STXBP4: variants seen among roughly 807,000 people sequenced by gnomAD.
STXBP4 encodes the protein syntaxin binding protein 4, also known as syntaxin-binding protein 4.
STXBP4 carries 55 observed loss-of-function variants against 76.1 expected under a neutral mutation model. The ratio of observed to expected loss-of-function variants is 0.72; its 90% CI spans 0.58 to 0.91. STXBP4 has a LOEUF of 0.91. Among genes scored for constraint, STXBP4 ranks in the 40% least tolerant of loss-of-function variants. The probability of loss-of-function intolerance (pLI) is 0.00; values close to 1 mark genes in which losing one functional copy is unlikely to be tolerated. For missense variants in STXBP4, 618 were observed against 636.9 expected (o/e 0.97, Z 0.32); for synonymous variants, 201 against 220.2 (o/e 0.91, Z 0.77).
rs2080363575 is a variant in STXBP4, at chr17:55,164,434, A to ATTTC, written c.*4527_*4530dup. The ATTTC allele has an allele frequency of 1.3e-5, 1 of 76,622 alleles. No homozygotes were observed. The highest frequency in any genetic ancestry group is 5.2e-5 in the African/African-American group (1 of 19,344). 4.7% of individuals were successfully genotyped at this position (76,622 alleles called of 1,614,324 possible). On this transcript the variant is annotated 3_prime_UTR_variant, in exon 18 of 18. Coordinates refer to ENST00000376352, the MANE Select transcript of STXBP4 (RefSeq NM_178509.6). The stretch of plus-strand genomic sequence containing the variant: ...TTCTCTATATCACTCTACCCTGTTT[A>ATTTC]TTTCTTTTTTTTTTTTTTTTTTTTT...
chr17:54,978,897 G>GT (rs2077509565), intron 1 of STXBP4, among the ~76,000 whole-genome samples: 1 of 152,032 alleles, frequency 6.6e-6, no homozygotes, highest in Non-Finnish European at 1.5e-5. Flanking sequence ...CCTTGCTGTT[G>GT]TTTTTTACCT....
At chr17:55,043,124 A>T in intron 10 of STXBP4, 112 bp from the exon 11 acceptor site, 1 of 455,762 alleles carries the variant, frequency 2.2e-6, no homozygotes, top group East Asian at 3.5e-5. Flanking sequence ...TAAGAAACTG[A>T]ATTTTGTTAT....
intron 17 of STXBP4, among the ~76,000 whole-genome samples, chr17:55,158,313 A>T (rs1220201372): frequency 2.0e-5 from 3 of 152,228 alleles, no homozygotes; most frequent in Admixed American, 6.5e-5. Context: ...GCACTTTCAG[A>T]TCCACAATCT....
In STXBP4 at chr17:55,159,801, G is replaced by T. The variant is rs2080321086; in HGVS notation, c.1552G>T (p.Val518Leu). 15 of 1,604,024 alleles carry T rather than the reference G, an allele frequency of 9.4e-6. No homozygotes were observed. Among genetic ancestry groups the T allele is most frequent in the Non-Finnish European group, 1.3e-5 (15 of 1,171,436 alleles). Residue 518 changes from valine (V) to leucine (L), a missense_variant, in exon 18 of 18, where the codon GTA (valine) becomes TTA (leucine). Physicochemically the swap from Val to Leu is conservative, Grantham distance 32. Transcript: ENST00000376352. The part of the protein sequence containing the change: ...ADGIKYFINH[V>L]TQTTSWIHPV... ...TGCATTCTTGTTCTTCTCAAGTCAT[G>T]TAACACAGACTACATCCTGGATCCA...
chr17:55,022,082 CTT>C (rs778955769), intron 8 of STXBP4, among the ~76,000 whole-genome samples: 3 of 139,332 alleles, frequency 2.2e-5, no homozygotes. Context: ...CATGGAATGC[CTT>C]TTTTTTTTTT....
chr17:55,066,158 T>C (rs2079048214), intron 12 of STXBP4, among the ~76,000 whole-genome samples: 1 of 152,176 alleles, frequency 6.6e-6, no homozygotes, highest in Non-Finnish European at 1.5e-5. Context: ...TTAGAGAACA[T>C]GCACTGTATT....
chr17:55,076,140 G>A (rs1232332949), intron 13 of STXBP4, among the ~76,000 whole-genome samples: 1 of 151,918 alleles, frequency 6.6e-6, no homozygotes, highest in Non-Finnish European at 1.5e-5. Context: ...TTCACTCTAT[G>A]GTAAAATGGA....
the STXBP4 span, among the ~76,000 whole-genome samples, chr17:55,185,137 CT>C: frequency 6.6e-6 from 1 of 152,116 alleles, no homozygotes; most frequent in African/African-American, 2.4e-5. Context: ...TCCCAAGGTG[CT>C]GGAATTACAG....
chr17:55,069,887 A>G (rs1276958055), intron 12 of STXBP4, among the ~76,000 whole-genome samples: 2 of 152,126 alleles, frequency 1.3e-5, no homozygotes, highest in Non-Finnish European at 2.9e-5. Flanking sequence ...AAATCATCAA[A>G]TTAGTTATTC....
chr17:55,082,525 C>T (rs187396907), intron 16 of STXBP4, among the ~76,000 whole-genome samples: 3 of 152,164 alleles, frequency 2.0e-5, no homozygotes, highest in Admixed American at 1.3e-4. Flanking sequence ...GACATTTAAA[C>T]ATTATACAGG....
chr17:54,985,459 C>G (rs1379022652), intron 1 of STXBP4, among the ~76,000 whole-genome samples, 155 bp from the exon 2 acceptor site: 1 of 152,172 alleles, frequency 6.6e-6, no homozygotes, highest in Non-Finnish European at 1.5e-5. Context: ...TCTTTTTCAA[C>G]TTTAAGTTCC....
At chr17:55,110,995 TGTAAG>T (rs2145055239) in intron 16 of STXBP4, among the ~76,000 whole-genome samples, 2 of 152,164 alleles carry the variant, frequency 1.3e-5, no homozygotes, top group South Asian at 4.2e-4. Context: ...AGCACTAGGG[TGTAAG>T]GTAAAGAAGG....
intron 1 of STXBP4, among the ~76,000 whole-genome samples, chr17:54,985,374 G>A (rs966730599): frequency 1.3e-5 from 2 of 152,170 alleles, no homozygotes; most frequent in Non-Finnish European, 2.9e-5. Context: ...TTTCATTTGT[G>A]AGGGAAAACC....
chr17:55,180,967 C>A, the STXBP4 span, among the ~76,000 whole-genome samples: 1 of 152,204 alleles, frequency 6.6e-6, no homozygotes, highest in Non-Finnish European at 1.5e-5. Context: ...ACAAAACAAT[C>A]CATTTTTTAC....
At chr17:55,095,099 T>C (rs1375724828) in intron 16 of STXBP4, among the ~76,000 whole-genome samples, 1 of 152,216 alleles carries the variant, frequency 6.6e-6, no homozygotes, top group African/African-American at 2.4e-5. Flanking sequence ...GTGTACTATC[T>C]AGTACTTAAT....
At chr17:55,126,521 C>T (rs1282380221) in intron 16 of STXBP4, among the ~76,000 whole-genome samples, 1 of 152,100 alleles carries the variant, frequency 6.6e-6, no homozygotes, top group African/African-American at 2.4e-5. Context: ...TGGTAATATT[C>T]TATACCATGA....
chr17:55,004,818 A>G (rs1007257232), intron 7 of STXBP4, among the ~76,000 whole-genome samples: 1 of 152,030 alleles, frequency 6.6e-6, no homozygotes, highest in African/African-American at 2.4e-5. Context: ...AAGGACAAGA[A>G]GGAGAGAGAG....
intron 10 of STXBP4, among the ~76,000 whole-genome samples, chr17:55,037,915 TG>T (rs1339527012): frequency 1.3e-5 from 2 of 152,174 alleles, no homozygotes; most frequent in Non-Finnish European, 2.9e-5. Flanking sequence ...AAAAAATAAC[TG>T]ATTGTTTTGC....
chr17:55,206,420 TCTC>T, the STXBP4 span, among the ~76,000 whole-genome samples: 1 of 152,152 alleles, frequency 6.6e-6, no homozygotes, highest in African/African-American at 2.4e-5. Context: ...ATTGAAAACT[TCTC>T]CTCTCTTGCC....
Sources: gnomAD v4.1 joint callset for allele counts (sites outside exome capture counted in the v4.1 genomes callset) on GRCh38, gnomAD v4.1.1 for gene constraint, MANE v1.5 for transcripts, NCBI Gene and HGNC (gene_info 2026-07-23, HGNC 2026-07-21) for gene names.